The following TENM4 variants were observed in gnomAD, a reference collection of about 807,000 sequenced individuals.
TENM4 encodes teneurin-4.
Under a neutral mutation model 243.3 loss-of-function variants are expected in TENM4, and 82 were observed. The ratio of observed to expected loss-of-function variants is 0.34; its 90% CI spans 0.28 to 0.40. TENM4 has a LOEUF of 0.40. Ranked by LOEUF, TENM4 falls within the 10% of genes least tolerant of loss-of-function variation. The pLI, the probability that TENM4 is intolerant of heterozygous loss-of-function variation, is 1.00. For missense variants in TENM4, 3,138 were observed against 3,673.3 expected (o/e 0.85, Z 3.77); for synonymous variants, 1,412 against 1,456.3 (o/e 0.97, Z 0.69).
At chr11:79,108,893 T>C (rs1861437742) in intron 4 of TENM4, among the ~76,000 whole-genome samples, 1 of 151,996 alleles carries the variant, frequency 6.6e-6, no homozygotes, top group Admixed American at 6.6e-5. Context: ...TCTTAGCCCC[T>C]TTCCTCCTTC....
At chr11:79,314,636 T>C (rs1322313484) in intron 1 of TENM4, among the ~76,000 whole-genome samples, 1 of 152,224 alleles carries the variant, frequency 6.6e-6, no homozygotes, top group African/African-American at 2.4e-5. Context: ...GCTAGTCATA[T>C]TAGTTACTTA....
At chr11:78,884,625 C>T (rs1381393753) in intron 9 of TENM4, among the ~76,000 whole-genome samples, 1 of 152,192 alleles carries the variant, frequency 6.6e-6, no homozygotes, top group African/African-American at 2.4e-5. Context: ...ATACTCATCC[C>T]ACAGAATTGT....
intron 9 of TENM4, among the ~76,000 whole-genome samples, chr11:78,877,138 T>G (rs574484586): frequency 6.6e-6 from 1 of 152,250 alleles, no homozygotes; most frequent in Non-Finnish European, 1.5e-5. Context: ...ATCATATTGC[T>G]GTCTTTAGAA....
At chr11:79,041,510 C>T (rs1469095169) in intron 6 of TENM4, among the ~76,000 whole-genome samples, 1 of 82,024 alleles carries the variant, frequency 1.2e-5, no homozygotes, top group South Asian at 3.4e-4. Context: ...AAAAAAAAAT[C>T]GAAGAAACAA....
chr11:78,707,507 C>T (rs769099518), intron 27 of TENM4, among the ~76,000 whole-genome samples: 13 of 152,246 alleles, frequency 8.5e-5, no homozygotes, highest in African/African-American at 2.2e-4. Flanking sequence ...GTTTTAACTG[C>T]GGCCACCTGC....
intron 4 of TENM4, among the ~76,000 whole-genome samples, chr11:79,135,924 A>G (rs2137175733): frequency 6.6e-6 from 1 of 151,876 alleles, no homozygotes; most frequent in East Asian, 1.9e-4. Context: ...TTCTAAGTGA[A>G]GAAACTCAGG....
chr11:78,907,896 C>G (rs1027064807), intron 6 of TENM4, among the ~76,000 whole-genome samples: 1 of 152,158 alleles, frequency 6.6e-6, no homozygotes, highest in Non-Finnish European at 1.5e-5. Context: ...GAATCAAGCC[C>G]AAATGTGAGT....
chr11:78,835,311 T>C (rs1007109238), intron 12 of TENM4, among the ~76,000 whole-genome samples: 1 of 152,034 alleles, frequency 6.6e-6, no homozygotes, highest in African/African-American at 2.4e-5. Context: ...ATCGAGACCA[T>C]CCTGACCAAC....
At chr11:79,313,711 A>G (rs1464255824) in intron 1 of TENM4, among the ~76,000 whole-genome samples, 2 of 152,160 alleles carry the variant, frequency 1.3e-5, no homozygotes, top group Non-Finnish European at 2.9e-5. Context: ...AATGGCCTCC[A>G]TCTATCATCA....
At chr11:78,668,189 A>T (rs554871404) in intron 32 of TENM4, among the ~76,000 whole-genome samples, 144 of 151,926 alleles carry the variant, frequency 9.5e-4, no homozygotes, top group Non-Finnish European at 1.5e-3. Flanking sequence ...TGTGTTCCTT[A>T]TTCTTTTTTT....
intron 1 of TENM4, among the ~76,000 whole-genome samples, chr11:79,339,728 A>C (rs1857211388): frequency 6.6e-6 from 1 of 152,090 alleles, no homozygotes; most frequent in Non-Finnish European, 1.5e-5. Context: ...GAGGGAAAAA[A>C]AATGGGAAAA....
chr11:79,092,772 G>C (rs1291319815), intron 4 of TENM4: 1 of 152,246 alleles, frequency 6.6e-6, no homozygotes, highest in Non-Finnish European at 1.5e-5. Flanking sequence ...AGAATACAAA[G>C]ATAAATGGCT....
At chr11:79,301,673 C>G (rs1382113732) in intron 1 of TENM4, among the ~76,000 whole-genome samples, 1 of 152,190 alleles carries the variant, frequency 6.6e-6, no homozygotes, top group Non-Finnish European at 1.5e-5. Flanking sequence ...ATCCCCAATG[C>G]CACAGGCGGG....
chr11:78,778,192 C>A (rs1463274706), intron 17 of TENM4, among the ~76,000 whole-genome samples: 1 of 152,118 alleles, frequency 6.6e-6, no homozygotes, highest in African/African-American at 2.4e-5. Flanking sequence ...TCTTAACTTG[C>A]TCTTGGGTCT....
intron 15 of TENM4, among the ~76,000 whole-genome samples, chr11:78,794,279 C>T (rs540750194): frequency 9.9e-5 from 15 of 152,242 alleles, no homozygotes; most frequent in South Asian, 6.2e-4. Flanking sequence ...TTCCGAAGCA[C>T]AATCAGAGGA....
At chr11:79,383,914 C>T (rs970074044) in intron 1 of TENM4, among the ~76,000 whole-genome samples, 1 of 152,198 alleles carries the variant, frequency 6.6e-6, no homozygotes, top group Non-Finnish European at 1.5e-5. Flanking sequence ...CGTCCCTGCC[C>T]TTCAGCACTG....
intron 12 of TENM4, among the ~76,000 whole-genome samples, chr11:78,825,356 A>C (rs1201617870): frequency 4.6e-5 from 7 of 152,226 alleles, no homozygotes; most frequent in Non-Finnish European, 1.0e-4. Context: ...CTCAGGAAAT[A>C]TTAGTTTACT....
At position 79,385,164 on chromosome 11, in the gene TENM4, G is replaced by A. The variant is rs1290575569; in HGVS notation, c.-321+55345C>T. Reference sequence around the variant, plus strand: ...CCAGTGGCTTTCACCTTGGATCCACGTTATAAACACCTAAAGGGCTTTTAA... The same window carrying A: ...CCAGTGGCTTTCACCTTGGATCCACATTATAAACACCTAAAGGGCTTTTAA... On this transcript the variant is annotated intron_variant, in intron 1 of 33. Coordinates refer to ENST00000278550, the MANE Select transcript of TENM4 (RefSeq NM_001098816.3). Among the ~76,000 whole-genome samples the A allele has an allele frequency of 5.3e-5, 8 of 152,006 alleles. No individual in the cohort carries two copies. The East Asian group carries it at 1.2e-3, about 22-fold the overall frequency.
At chr11:79,273,629 A>G (rs367936252) in intron 2 of TENM4, among the ~76,000 whole-genome samples, 5 of 152,266 alleles carry the variant, frequency 3.3e-5, no homozygotes, top group African/African-American at 1.2e-4. Flanking sequence ...TAGCTAGTAC[A>G]CGGTGGAGCC....
Sources: gnomAD v4.1 joint callset for allele counts (sites outside exome capture counted in the v4.1 genomes callset) on GRCh38, gnomAD v4.1.1 for gene constraint, MANE v1.5 for transcripts, NCBI Gene and HGNC (gene_info 2026-07-23, HGNC 2026-07-21) for gene names.